Variants in PKHD1 observed in about 807,000 individuals in gnomAD.
PKHD1 encodes fibrocystin.
In PKHD1, 291 loss-of-function variants were observed where a neutral mutation model predicts 412.0. The ratio of observed to expected loss-of-function variants is 0.71; its 90% confidence interval spans 0.64 to 0.78. PKHD1 has a LOEUF of 0.78. Among genes scored for constraint, PKHD1 ranks in the 30% least tolerant of loss-of-function variants. The pLI, the probability that PKHD1 is intolerant of heterozygous loss-of-function variation, is 0.00. For synonymous variants in PKHD1, 1,777 were observed against 1,821.5 expected (o/e 0.98, Z 0.62); for missense variants, 4,825 against 4,950.7 (o/e 0.97, Z 0.76).
chr6:51,830,936 G>T lies in PKHD1; in HGVS notation c.8227C>A (p.Gln2743Lys). The change falls in exon 52 of 67, where the codon CAA (glutamine) becomes AAA (lysine). Residue 2743 changes from glutamine (Q) to lysine (K), a missense_variant. Gln to Lys is a moderately conservative substitution (Grantham distance 53). Coordinates refer to ENST00000371117, the MANE Select transcript of PKHD1 (RefSeq NM_138694.4). ...CCTCCCCAGCCTTCTTCAACACCTT[G>T]CCATGTTTCAGGGAGGGACCATTTT... ...ALKWSLPETW[Q>K]GVEEGWGGYN... is the part of the protein sequence containing the mutation. 1 of 1,611,456 alleles carries T rather than the reference G, an allele frequency of 6.2e-7. No homozygotes were observed. Among genetic ancestry groups the T allele is most frequent in the Non-Finnish European group, 8.5e-7 (1 of 1,177,870 alleles).
chr6:52,058,230 C>T (rs1808090384), intron 16 of PKHD1, 93 bp downstream of exon 16: 1 of 1,220,404 alleles, frequency 8.2e-7, no homozygotes, highest in South Asian at 1.2e-5. Flanking sequence ...ATAATGACCC[C>T]TCAGGTCGCC....
At chr6:51,843,589 G>T (rs1346472360) in intron 50 of PKHD1, among the ~76,000 whole-genome samples, 1 of 152,202 alleles carries the variant, frequency 6.6e-6, no homozygotes, top group Admixed American at 6.5e-5. Context: ...GGGCTTGCTG[G>T]ATTTTTCTCC....
intron 3 of PKHD1, 121 bp downstream of exon 3, chr6:52,083,057 G>A (rs559175245): frequency 5.4e-5 from 41 of 754,258 alleles, no homozygotes; most frequent in African/African-American, 1.2e-4. Flanking sequence ...CAGTCTGTTC[G>A]TCTCCCTTCA....
intron 64 of PKHD1, among the ~76,000 whole-genome samples, chr6:51,634,031 T>C (rs1047776895): frequency 6.6e-6 from 1 of 151,934 alleles, no homozygotes; most frequent in Non-Finnish European, 1.5e-5. Context: ...TTATCATGTG[T>C]CAATCATATC....
chr6:51,792,248 A>G (rs1331157041), intron 52 of PKHD1, among the ~76,000 whole-genome samples: 1 of 152,240 alleles, frequency 6.6e-6, no homozygotes, highest in Non-Finnish European at 1.5e-5. Context: ...ATTAAGTGTT[A>G]CTTTCTGAAA....
chr6:51,807,471 A>ATT (rs1311444860), intron 52 of PKHD1, among the ~76,000 whole-genome samples: 2 of 115,834 alleles, frequency 1.7e-5, no homozygotes, highest in African/African-American at 7.2e-5. Flanking sequence ...ATATATATAT[A>ATT]TATATATATG....
Position 51,775,915 on chromosome 6 carries a change from A to G in PKHD1, c.8447T>C (p.Leu2816Ser), listed in dbSNP as rs570167646. The G allele has an allele frequency of 2.1e-6, 3 of 1,445,942 alleles. No individual in the cohort carries two copies. The Admixed American group carries it at 5.0e-5, about 24-fold the overall frequency. 89.6% of individuals were successfully genotyped at this position (1,445,942 alleles called of 1,614,324 possible). ...TTGTTCCTTTTCTAAGGGATTTTCT[A>G]AAGTACCTGTTTACAAAGAAAAGTA... ...IAGGELKVGT[L>S]ENPLEKEQKL... The change falls in exon 54 of 67, where the codon TTA (leucine) becomes TCA (serine). Residue 2816 changes from leucine (L) to serine (S), a missense_variant. By Grantham distance (145) the Leu-to-Ser change is moderately radical. Coordinates refer to ENST00000371117, the MANE Select transcript of PKHD1 (RefSeq NM_138694.4).
In PKHD1 at chr6:52,010,476, G is replaced by C. The variant is rs199805335; in HGVS notation, c.5601-17C>G. On this transcript the variant is annotated splice_polypyrimidine_tract_variant and intron_variant, in intron 34 of 66. Transcript: ENST00000371117. ...AATTTAGGGCTGAAACGAGAGGGGAGGTTAAATGGGGTGTCATCAATCTTA... is the reference window on the plus strand; with the variant it reads ...AATTTAGGGCTGAAACGAGAGGGGACGTTAAATGGGGTGTCATCAATCTTA... The C allele has an allele frequency of 1.3e-6, 2 of 1,521,220 alleles. No individual in the cohort carries two copies. The highest frequency in any genetic ancestry group is 1.4e-5 in the African/African-American group (1 of 73,480). 94.2% of individuals were successfully genotyped at this position (1,521,220 alleles called of 1,614,324 possible). A position where few individuals can be genotyped will look rare whatever the true frequency, so the allele number is the denominator to read the frequency against.
chr6:52,050,116 T>G, intron 22 of PKHD1, 41 bp downstream of exon 22: 4 of 1,607,036 alleles, frequency 2.5e-6, no homozygotes, highest in Non-Finnish European at 3.4e-6. Context: ...CCAACAAGCA[T>G]TCTTAGGAGA....
chr6:52,081,178 C>T (rs2128241692), intron 4 of PKHD1, among the ~76,000 whole-genome samples: 1 of 152,210 alleles, frequency 6.6e-6, no homozygotes, highest in East Asian at 1.9e-4. Flanking sequence ...ATCCAAAAAT[C>T]ATTAGTATGT....
Position 51,989,375 on chromosome 6 carries a change from T to A in PKHD1, c.5751+20934A>T, listed in dbSNP as rs528064811. On this transcript the variant is annotated intron_variant, in intron 35 of 66. Transcript: ENST00000371117. ...CTATTATCATGAAATACAATTCTGT[T>A]GGTGCAGTGATACTGAGCAAAAGCA... is the stretch of plus-strand genomic sequence containing the variant. 3.7e-4 allele frequency among the ~76,000 whole-genome samples: 56 copies of A among 152,342 alleles called. 1 individual carries two copies. The South Asian group carries it at 0.01, about 28-fold the overall frequency.
Position 51,746,810 on chromosome 6 carries a change from A to C in PKHD1, c.9909T>G (p.Ser3303Arg), listed in dbSNP as rs1562218338. 1 of 1,610,124 alleles carries C rather than the reference A, an allele frequency of 6.2e-7. No individual in the cohort carries two copies. The highest frequency in any genetic ancestry group is 8.5e-7 in the Non-Finnish European group (1 of 1,176,594). The part of the protein sequence containing the change: ...DVCILPNAEN[S>R]GIMHPITAER... The stretch of plus-strand genomic sequence containing the variant: ...CTGCTGTTATTGGGTGCATAATTCC[A>C]CTGTTCTCTGCATTTGGTAGAATGC... Residue 3303 changes from serine to arginine, a missense_variant, in exon 59 of 67, where the codon AGT becomes AGG. By Grantham distance (110) the Ser-to-Arg change is moderately radical. Transcript: ENST00000371117.
At chr6:51,700,292 T>C (rs1241823086) in intron 60 of PKHD1, among the ~76,000 whole-genome samples, 50 of 152,162 alleles carry the variant, frequency 3.3e-4, no homozygotes, top group East Asian at 3.9e-4. Context: ...CTTTAAAATA[T>C]CAAAATTCTT....
chr6:51,775,964 TAAAAG>T (rs1562285318), intron 53 of PKHD1, 43 bp from the exon 54 acceptor site: 1 of 929,620 alleles, frequency 1.1e-6, no homozygotes, highest in Admixed American at 1.7e-5. Context: ...AATTTGAAAT[TAAAAG>T]AAAGAGAGGG....
chr6:51,848,750 T>C (rs1250704601), intron 49 of PKHD1, among the ~76,000 whole-genome samples: 1 of 151,958 alleles, frequency 6.6e-6, no homozygotes, highest in African/African-American at 2.4e-5. Context: ...AGGGCTTCTG[T>C]CTCCCTAAGA....
At chr6:51,677,539 G>A (rs952801707) in intron 60 of PKHD1, among the ~76,000 whole-genome samples, 5 of 152,226 alleles carry the variant, frequency 3.3e-5, no homozygotes, top group East Asian at 1.9e-4. Flanking sequence ...GAGCAATCTC[G>A]CCAAAGTTTT....
At chr6:51,831,777 T>C (rs1768296568) in intron 51 of PKHD1, among the ~76,000 whole-genome samples, 1 of 152,194 alleles carries the variant, frequency 6.6e-6, no homozygotes, top group Non-Finnish European at 1.5e-5. Context: ...TGATTCTGCC[T>C]TTGATCGTCA....
chr6:51,940,611 T>G (rs552950613), intron 36 of PKHD1, among the ~76,000 whole-genome samples: 1 of 151,844 alleles, frequency 6.6e-6, no homozygotes, highest in East Asian at 1.9e-4. Context: ...CCCAAGGCTC[T>G]CTGACTGACT....
At chr6:51,994,587 T>G (rs372515897) in intron 35 of PKHD1, among the ~76,000 whole-genome samples, 4 of 152,146 alleles carry the variant, frequency 2.6e-5, no homozygotes, top group South Asian at 4.1e-4. Flanking sequence ...TTGTTTGTTT[T>G]TTTCCTTGAG....
Sources: allele counts gnomAD v4.1 joint callset (sites outside exome capture counted in the v4.1 genomes callset), GRCh38; gene constraint gnomAD v4.1.1; transcripts MANE v1.5; gene names NCBI Gene and HGNC (gene_info 2026-07-23, HGNC 2026-07-21).